Variants in GLDC observed in about 807,000 individuals in gnomAD.
GLDC encodes the protein glycine dehydrogenase (decarboxylating), mitochondrial.
A neutral mutation model predicts 121.3 loss-of-function variants in GLDC; 104 were observed. The observed-to-expected ratio is 0.86, with a 90% CI of 0.73 to 1.01. GLDC has a LOEUF of 1.01. Ranked by LOEUF, GLDC falls within the 50% of genes least tolerant of loss-of-function variation. The pLI is 0.00. For synonymous variants in GLDC, 546 were observed against 480.6 expected (o/e 1.14, Z -1.78); for missense variants, 1,429 against 1,306.6 (o/e 1.09, Z -1.44).
intron 11 of GLDC, 60 bp downstream of exon 11, chr9:6,592,083 C>T (rs1587950206): frequency 9.8e-7 from 1 of 1,016,360 alleles, no homozygotes; most frequent in Non-Finnish European, 1.6e-6. Flanking sequence ...AGGGGATAAG[C>T]TACTTTTGCT....
chr9:6,604,181 C>G (rs1208117778), intron 7 of GLDC, among the ~76,000 whole-genome samples: 2 of 152,098 alleles, frequency 1.3e-5, no homozygotes, highest in Non-Finnish European at 2.9e-5. Flanking sequence ...GCGGAAGCCT[C>G]TAGGAAGGAA....
rs1164661663 is a variant in GLDC, at chr9:6,553,354, C to G, written c.2457+14G>C. The G allele has an allele frequency of 1.2e-6, 2 of 1,613,512 alleles. No homozygotes were observed. Among genetic ancestry groups the G allele is most frequent in the Non-Finnish European group, 1.7e-6 (2 of 1,179,694 alleles). ...CCACCCACCTGCACACCTGCACATACTCCCAGGCCTCACCTTGATATAAGC... is the reference window on the plus strand; with the variant it reads ...CCACCCACCTGCACACCTGCACATAGTCCCAGGCCTCACCTTGATATAAGC... On this transcript the variant is annotated intron_variant, in intron 20 of 24. Transcript: ENST00000321612.
At chr9:6,615,490 G>A (rs181123056) in intron 3 of GLDC, among the ~76,000 whole-genome samples, 114 of 151,996 alleles carry the variant, frequency 7.5e-4, no homozygotes, top group Non-Finnish European at 1.4e-3. Flanking sequence ...GCTGAGGCAG[G>A]AGGATTACGT....
At chr9:6,548,684 G>A (rs1002493572) in intron 21 of GLDC, among the ~76,000 whole-genome samples, 3 of 152,150 alleles carry the variant, frequency 2.0e-5, no homozygotes, top group African/African-American at 4.8e-5. Flanking sequence ...AGGTGCAGGC[G>A]GGTGGGCTGG....
At chr9:6,564,105 G>T (rs754819770) in intron 16 of GLDC, among the ~76,000 whole-genome samples, 7 of 152,076 alleles carry the variant, frequency 4.6e-5, no homozygotes, top group Non-Finnish European at 7.4e-5. Context: ...AAAATTAGCC[G>T]GGCGTGGTGG....
At chr9:6,588,563 A>G in intron 13 of GLDC, 55 bp downstream of exon 13, 1 of 1,478,834 alleles carries the variant, frequency 6.8e-7, no homozygotes, top group South Asian at 1.1e-5. Flanking sequence ...GGTAGGACCA[A>G]GAGACGTGGG....
At chr9:6,603,564 T>A (rs7862147) in intron 7 of GLDC, among the ~76,000 whole-genome samples, 32 of 146,388 alleles carry the variant, frequency 2.2e-4, no homozygotes, top group African/African-American at 6.3e-4. Flanking sequence ...AATAAAATTT[T>A]AAAAAAACAC....
chr9:6,603,647 G>A (rs924728272), intron 7 of GLDC, among the ~76,000 whole-genome samples: 1 of 151,826 alleles, frequency 6.6e-6, no homozygotes, highest in South Asian at 2.1e-4. Flanking sequence ...TTTATCAAAG[G>A]TCAAAAACAT....
intron 2 of GLDC, among the ~76,000 whole-genome samples, chr9:6,623,811 A>G (rs1428221601): frequency 6.6e-6 from 1 of 152,246 alleles, no homozygotes; most frequent in Admixed American, 6.5e-5. Flanking sequence ...CAAGGACAAC[A>G]TCCCTAGGAA....
At chr9:6,553,638 C>T (rs968161503) in intron 19 of GLDC, 129 bp from the exon 20 acceptor site, 14 of 844,392 alleles carry the variant, frequency 1.7e-5, no homozygotes, top group Non-Finnish European at 2.6e-5. Context: ...GGACTCTCCA[C>T]CTGCTGGGAG....
At position 6,605,124 on chromosome 9, in the gene GLDC, T is replaced by G; in HGVS notation, c.861+7A>C. ...CCACGGACCCCCCACAAGAAAGGTATACCTACCCCACTCTGATGAGCTCTC... is the reference window on the plus strand; with the variant it reads ...CCACGGACCCCCCACAAGAAAGGTAGACCTACCCCACTCTGATGAGCTCTC... On this transcript the variant is annotated splice_region_variant and intron_variant, in intron 6 of 24. Transcript: ENST00000321612. The G allele has an allele frequency of 6.2e-7, 1 of 1,611,802 alleles. No individual in the cohort carries two copies. The highest frequency in any genetic ancestry group is 8.5e-7 in the Non-Finnish European group (1 of 1,179,582).
At chr9:6,590,809 A>G (rs16924727) in intron 11 of GLDC, among the ~76,000 whole-genome samples, 9,285 of 152,306 alleles carry the variant, frequency 0.061, 664 homozygotes, top group African/African-American at 0.17. Context: ...GCAGAGTTCT[A>G]CAGAGAAGGA....
chr9:6,532,663 C>G lies in GLDC; in HGVS notation c.*354G>C, dbSNP rs187792305. ...ACAGATGGCACAGTCCACATGGACT[C>G]TTTTGGAACAAAAAAATGTCTATTA... On this transcript the variant is annotated 3_prime_UTR_variant, in exon 25 of 25. Transcript: ENST00000321612. 2 of 310,572 alleles carry G rather than the reference C, an allele frequency of 6.4e-6. No homozygotes were observed. Among genetic ancestry groups the G allele is most frequent in the Non-Finnish European group, 1.2e-5 (2 of 160,698 alleles). The allele number at this position is 310,572 out of a possible 1,614,324, so 19.2% of individuals were successfully genotyped here.
chr9:6,540,077 T>A lies in GLDC; in HGVS notation c.2639A>T (p.Asp880Val), dbSNP rs386833566. ...FKKSANIEAV[D>V]VAKRLQDYGF... ...ATAATCCTGGAGTCTCTTGGCCACA[T>A]CCACAGCCTCAATATTTGCAGACTT... The change falls in exon 22 of 25, where the codon GAT (aspartate) becomes GTT (valine). Residue 880 changes from aspartate to valine, a missense_variant. Physicochemically the swap from Asp to Val is radical, Grantham distance 152 (BLOSUM62 -3). Transcript: ENST00000321612. 6.2e-7 allele frequency: 1 copy of A among 1,612,480 alleles called. No individual in the cohort carries two copies. The highest frequency in any genetic ancestry group is 8.5e-7 in the Non-Finnish European group (1 of 1,178,546).
intron 21 of GLDC, among the ~76,000 whole-genome samples, chr9:6,544,445 A>G (rs759970248): frequency 6.6e-6 from 1 of 152,182 alleles, no homozygotes; most frequent in Non-Finnish European, 1.5e-5. Flanking sequence ...AGATTTCAAG[A>G]TAAGCCTAGC....
At chr9:6,578,792 C>G (rs1818122294) in intron 15 of GLDC, among the ~76,000 whole-genome samples, 1 of 152,186 alleles carries the variant, frequency 6.6e-6, no homozygotes, top group Non-Finnish European at 1.5e-5. Context: ...CTCAGCCTCC[C>G]AAAGTACTGC....
intron 6 of GLDC, 134 bp from the exon 7 acceptor site, chr9:6,604,918 T>G: frequency 1.1e-6 from 1 of 892,750 alleles, no homozygotes; most frequent in Non-Finnish European, 1.8e-6. Context: ...TGCTCATTCA[T>G]TCATTCAGTA....
In GLDC at chr9:6,589,139, A is replaced by G. The variant is rs80318432; in HGVS notation, c.1580+56T>C. The G allele has an allele frequency of 4.1e-3, 4,349 of 1,048,052 alleles. 110 individuals carry two copies. The African/African-American group carries it at 0.058, about 14-fold the overall frequency. 64.9% of individuals were successfully genotyped at this position (1,048,052 alleles called of 1,614,324 possible). A position where few individuals can be genotyped will look rare whatever the true frequency, so the allele number is the denominator to read the frequency against. ...GAAATCAGCAGCAGCACTCTGCCTA[A>G]CTCCCTAGCTGATTACCAAAGCACA... is the stretch of plus-strand genomic sequence containing the variant. On this transcript the variant is annotated intron_variant, in intron 12 of 24. Coordinates refer to ENST00000321612, the MANE Select transcript of GLDC (RefSeq NM_000170.3).
intron 11 of GLDC, among the ~76,000 whole-genome samples, chr9:6,591,686 G>C (rs1974189): frequency 3.3e-5 from 5 of 152,212 alleles, no homozygotes; most frequent in Admixed American, 2.6e-4. Context: ...CTGGGTTGAA[G>C]CAATTCTCCC....
Sources: gnomAD v4.1 joint callset for allele counts (sites outside exome capture counted in the v4.1 genomes callset) on GRCh38, gnomAD v4.1.1 for gene constraint, MANE v1.5 for transcripts, NCBI Gene and HGNC (gene_info 2026-07-23, HGNC 2026-07-21) for gene names.